SMYD3: variants seen among roughly 807,000 people sequenced by gnomAD.
SMYD3 encodes the protein histone-lysine N-methyltransferase SMYD3.
Under a neutral mutation model 57.7 loss-of-function variants are expected in SMYD3, and 36 were observed. The ratio of observed to expected loss-of-function variants is 0.62; its 90% CI spans 0.48 to 0.82. The LOEUF (loss-of-function observed/expected upper bound fraction) is 0.82, where lower values mean the gene tolerates loss of function less well. Ranked by LOEUF, SMYD3 falls within the 40% of genes least tolerant of loss-of-function variation. The pLI is 0.00. For synonymous variants in SMYD3, 211 were observed against 195.0 expected (o/e 1.08, Z -0.68); for missense variants, 515 against 538.8 (o/e 0.96, Z 0.44).
At chr1:246,200,396 G>A (rs1328138913) in intron 5 of SMYD3, among the ~76,000 whole-genome samples, 3 of 150,988 alleles carry the variant, frequency 2.0e-5, no homozygotes, top group Non-Finnish European at 4.4e-5. Context: ...CAGCGCAGAC[G>A]CTGAGCAAGA....
At chr1:246,286,325 G>A (rs958052532) in intron 5 of SMYD3, among the ~76,000 whole-genome samples, 4 of 151,454 alleles carry the variant, frequency 2.6e-5, no homozygotes, top group African/African-American at 9.8e-5. Flanking sequence ...TTGTTACATA[G>A]GTAAACACAG....
chr1:245,794,273 T>A (rs2047429665), intron 10 of SMYD3, among the ~76,000 whole-genome samples: 1 of 152,260 alleles, frequency 6.6e-6, no homozygotes, highest in Admixed American at 6.5e-5. Flanking sequence ...TTTTAAAAAA[T>A]TATTTTAACA....
chr1:246,118,524 C>T (rs759903278), intron 5 of SMYD3, among the ~76,000 whole-genome samples: 1 of 152,206 alleles, frequency 6.6e-6, no homozygotes, highest in Non-Finnish European at 1.5e-5. Context: ...ATCACTGACG[C>T]TTACTCAAGA....
chr1:246,067,697 T>C (rs1452926835), intron 5 of SMYD3, among the ~76,000 whole-genome samples: 1 of 152,136 alleles, frequency 6.6e-6, no homozygotes, highest in Non-Finnish European at 1.5e-5. Context: ...GAATCTAGCA[T>C]GCAAGATCAT....
At chr1:245,806,842 G>C (rs547175278) in intron 10 of SMYD3, among the ~76,000 whole-genome samples, 1 of 148,054 alleles carries the variant, frequency 6.8e-6, no homozygotes, top group Non-Finnish European at 1.5e-5. Context: ...CCCGGGAGGC[G>C]GAGCTTGCAG....
In SMYD3 at chr1:246,191,730, A is replaced by C. The variant is rs542112814; in HGVS notation, c.531+135471T>G. ...TGATGTGTCGCTGGAAAAAGATCAC[A>C]AATGTCTTCAAGCTTCATTTTCCCT... On this transcript the variant is annotated intron_variant, in intron 5 of 11. Transcript: ENST00000490107. Among the ~76,000 whole-genome samples, 4 of 152,326 alleles carry C rather than the reference A, an allele frequency of 2.6e-5. No homozygotes were observed. In the South Asian group the frequency reaches 6.2e-4, roughly 24 times the overall value.
intron 5 of SMYD3, among the ~76,000 whole-genome samples, chr1:246,125,122 A>T (rs912795376): frequency 6.7e-6 from 1 of 149,040 alleles, no homozygotes; most frequent in Non-Finnish European, 1.5e-5. Flanking sequence ...AATTTCCCTT[A>T]TGGAGTTATG....
intron 1 of SMYD3, among the ~76,000 whole-genome samples, chr1:246,462,505 G>A (rs1320874163): frequency 6.6e-6 from 1 of 152,012 alleles, no homozygotes; most frequent in Non-Finnish European, 1.5e-5. Context: ...GCAATGGAAG[G>A]GTCACACAGA....
intron 5 of SMYD3, among the ~76,000 whole-genome samples, chr1:246,270,290 C>A (rs917110355): frequency 6.6e-6 from 1 of 152,168 alleles, no homozygotes; most frequent in Non-Finnish European, 1.5e-5. Flanking sequence ...TAGATTGAAA[C>A]TGTTTTCATT....
chr1:246,276,475 T>C (rs1316827598), intron 5 of SMYD3, among the ~76,000 whole-genome samples: 2 of 149,932 alleles, frequency 1.3e-5, no homozygotes, highest in African/African-American at 5.0e-5. Flanking sequence ...TTATTTAATG[T>C]CTGTAGTGGA....
intron 5 of SMYD3, among the ~76,000 whole-genome samples, chr1:246,007,756 G>C (rs2059201759): frequency 6.6e-6 from 1 of 151,766 alleles, no homozygotes; most frequent in Non-Finnish European, 1.5e-5. Flanking sequence ...GGTTGAGGCT[G>C]CAGTAAGCCG....
chr1:246,367,204 G>A (rs1327910918), intron 1 of SMYD3, among the ~76,000 whole-genome samples: 1 of 152,066 alleles, frequency 6.6e-6, no homozygotes, highest in Non-Finnish European at 1.5e-5. Context: ...CTTGAGAAGC[G>A]TAGGGTTCCC....
intron 8 of SMYD3, among the ~76,000 whole-genome samples, chr1:245,888,239 T>C (rs866987620): frequency 6.6e-6 from 1 of 152,200 alleles, no homozygotes; most frequent in South Asian, 2.1e-4. Flanking sequence ...AATTATTCAG[T>C]AGTAAAGCCA....
intron 5 of SMYD3, among the ~76,000 whole-genome samples, chr1:246,007,188 A>G (rs1368401654): frequency 1.3e-5 from 2 of 152,214 alleles, no homozygotes; most frequent in Admixed American, 1.3e-4. Flanking sequence ...CCCATCCCAC[A>G]GGACCGTAAC....
chr1:245,793,171 T>A (rs768301670), intron 10 of SMYD3, among the ~76,000 whole-genome samples: 1 of 149,916 alleles, frequency 6.7e-6, no homozygotes, highest in Non-Finnish European at 1.5e-5. Flanking sequence ...GAGCCGGGCA[T>A]GGTGGCGGGT....
chr1:246,119,844 T>C (rs1054451981), intron 5 of SMYD3, among the ~76,000 whole-genome samples: 2 of 152,212 alleles, frequency 1.3e-5, no homozygotes, highest in African/African-American at 4.8e-5. Flanking sequence ...TATGTCTCTA[T>C]GTAGGAGAGG....
chr1:245,847,102 A>G (rs1001085323), intron 10 of SMYD3, among the ~76,000 whole-genome samples: 5 of 152,214 alleles, frequency 3.3e-5, no homozygotes, highest in Admixed American at 6.5e-5. Flanking sequence ...ATTTCCCTTA[A>G]CACATCTAAC....
chr1:245,781,828 G>C (rs1041012717), intron 10 of SMYD3, among the ~76,000 whole-genome samples: 7 of 152,106 alleles, frequency 4.6e-5, no homozygotes, highest in African/African-American at 1.7e-4. Flanking sequence ...ATTTAGCTGA[G>C]CGTGGTGGCA....
At chr1:246,334,215 A>G (rs2065505213) in intron 3 of SMYD3, among the ~76,000 whole-genome samples, 2 of 152,224 alleles carry the variant, frequency 1.3e-5, no homozygotes, top group Non-Finnish European at 2.9e-5. Context: ...TTGGGTATAT[A>G]TCCAAAGGAA....
Sources: gnomAD v4.1 joint callset for allele counts (sites outside exome capture counted in the v4.1 genomes callset) on GRCh38, gnomAD v4.1.1 for gene constraint, MANE v1.5 for transcripts, NCBI Gene and HGNC (gene_info 2026-07-23, HGNC 2026-07-21) for gene names.